The following ENTPD1 variants were observed in gnomAD, a reference collection of about 807,000 sequenced individuals.
The protein encoded by ENTPD1 is ATP diphosphohydrolase.
A neutral mutation model predicts 57.0 loss-of-function variants in ENTPD1; 33 were observed. That is an observed-to-expected ratio of 0.58 (90% CI 0.44 to 0.77). The LOEUF (loss-of-function observed/expected upper bound fraction) is 0.77, where lower values mean the gene tolerates loss of function less well. Ranked by LOEUF, ENTPD1 falls within the 30% of genes least tolerant of loss-of-function variation. The pLI, the probability that ENTPD1 is intolerant of heterozygous loss-of-function variation, is 0.00. For synonymous variants in ENTPD1, 202 were observed against 218.8 expected (o/e 0.92, Z 0.68); for missense variants, 501 against 603.4 (o/e 0.83, Z 1.78).
At chr10:95,863,264 G>A (rs1444997369) in intron 8 of ENTPD1, among the ~76,000 whole-genome samples, 2 of 152,216 alleles carry the variant, frequency 1.3e-5, no homozygotes, top group East Asian at 3.8e-4. Flanking sequence ...CCCCACAAGG[G>A]ATAGGCCAGC....
chr10:95,764,910 C>T (rs1306702836), intron 1 of ENTPD1, among the ~76,000 whole-genome samples: 7 of 151,802 alleles, frequency 4.6e-5, no homozygotes, highest in South Asian at 4.2e-4. Context: ...TTAGTAGAGA[C>T]GGGCTTTCAC....
chr10:95,843,636 G>C (rs2098426967), intron 4 of ENTPD1, among the ~76,000 whole-genome samples: 7 of 152,188 alleles, frequency 4.6e-5, no homozygotes, highest in Admixed American at 4.6e-4. Flanking sequence ...GGCCATGCTA[G>C]GAAGTTTGGA....
At chr10:95,793,462 G>C (rs1284883629) in intron 1 of ENTPD1, among the ~76,000 whole-genome samples, 1 of 152,158 alleles carries the variant, frequency 6.6e-6, no homozygotes. Flanking sequence ...CCTCACAATT[G>C]CTCTTCAGTC....
At chr10:95,819,377 C>T (rs907289712) in intron 1 of ENTPD1, among the ~76,000 whole-genome samples, 5 of 152,032 alleles carry the variant, frequency 3.3e-5, no homozygotes, top group African/African-American at 1.2e-4. Flanking sequence ...TGTTACCCCC[C>T]AGTCTCAAAC....
intron 1 of ENTPD1, among the ~76,000 whole-genome samples, chr10:95,765,166 C>T (rs192376139): frequency 2.6e-5 from 4 of 152,116 alleles, no homozygotes; most frequent in Non-Finnish European, 5.9e-5. Context: ...GTGTTGTTTG[C>T]AGCACAAAAT....
chr10:95,700,090 C>A, the ENTPD1 span, among the ~76,000 whole-genome samples: 1 of 152,098 alleles, frequency 6.6e-6, no homozygotes, highest in African/African-American at 2.4e-5. Context: ...AGAATTCTTT[C>A]TAGAAATTGA....
At chr10:95,843,723 G>A (rs1590118087) in intron 4 of ENTPD1, among the ~76,000 whole-genome samples, 1 of 152,320 alleles carries the variant, frequency 6.6e-6, no homozygotes, top group South Asian at 2.1e-4. Flanking sequence ...ATGGATTGGA[G>A]GGGAGAAAAG....
At chr10:95,861,979 G>C (rs553312922) in intron 8 of ENTPD1, among the ~76,000 whole-genome samples, 1 of 151,390 alleles carries the variant, frequency 6.6e-6, no homozygotes, top group East Asian at 1.9e-4. Context: ...CTGGGTGACA[G>C]AGCAGGACTC....
upstream of ENTPD1, among the ~76,000 whole-genome samples, chr10:95,751,493 C>T (rs985739232): frequency 6.6e-6 from 1 of 151,932 alleles, no homozygotes; most frequent in African/African-American, 2.4e-5. Context: ...GCCGAGGCAG[C>T]CTATCACCTG....
At position 95,869,247 on chromosome 10, in the gene ENTPD1, T is replaced by A; in HGVS notation, c.*2864T>A. ...AGATCAGCAGAAGTCATTACTTTTT[T>A]TTTTTTTTTTTTTTTTTTTTGAGAG... On this transcript the variant is annotated 3_prime_UTR_variant, in exon 10 of 10. Coordinates refer to ENST00000371205, the MANE Select transcript of ENTPD1 (RefSeq NM_001776.6). The A allele has an allele frequency of 6.6e-5, 29 of 440,998 alleles. No homozygotes were observed. Among genetic ancestry groups the A allele is most frequent in the South Asian group, 1.7e-4 (2 of 11,586 alleles). 27.3% of individuals were successfully genotyped at this position (440,998 alleles called of 1,614,324 possible).
At chr10:95,708,275 G>A (rs867649022), upstream of ENTPD1, among the ~76,000 whole-genome samples, 3 of 150,838 alleles carry the variant, frequency 2.0e-5, no homozygotes, top group Non-Finnish European at 2.9e-5. Flanking sequence ...GTGCAGTGCC[G>A]TGACCTCGGC....
intron 1 of ENTPD1, among the ~76,000 whole-genome samples, chr10:95,741,674 G>T (rs868162359): frequency 1.3e-5 from 2 of 152,154 alleles, no homozygotes; most frequent in African/African-American, 2.4e-5. Context: ...GCAGTGTGAG[G>T]CATTAAGCAG....
intron 1 of ENTPD1, among the ~76,000 whole-genome samples, chr10:95,722,268 TTTG>T (rs2097978370): frequency 6.6e-6 from 1 of 151,598 alleles, no homozygotes; most frequent in South Asian, 2.1e-4. Flanking sequence ...TCATTGTTTT[TTTG>T]TTTTTTTTTA....
At position 95,872,559 on chromosome 10, in the gene ENTPD1, C is replaced by T. The variant is rs941314396; in HGVS notation, c.*6176C>T. ...GTCTCTTCCTTGTGCTACCACAACC[C>T]TTTAACTGAGCCTCCATTAGTGCAC... On this transcript the variant is annotated 3_prime_UTR_variant, in exon 10 of 10. Transcript: ENST00000371205. 1.2e-5 allele frequency: 12 copies of T among 985,272 alleles called. No individual in the cohort carries two copies. In the African/African-American group the frequency reaches 2.1e-4, roughly 17 times the overall value. The allele number at this position is 985,272 out of a possible 1,614,324, so 61.0% of individuals were successfully genotyped here. A position where few individuals can be genotyped will look rare whatever the true frequency, so the allele number is the denominator to read the frequency against.
rs147869307 is a variant in ENTPD1 at position 95,718,453 on chromosome 10, G to A, written c.37+6460G>A. The stretch of plus-strand genomic sequence containing the variant: ...CTATTTCCCTTTCCTTTCCTTTCTG[G>A]TGACCCCAGCAGTGTAAGACTGCCA... On this transcript the variant is annotated intron_variant, in intron 1 of 9. Transcript: ENST00000453258. Among the ~76,000 whole-genome samples the A allele has an allele frequency of 2.9e-3, 435 of 151,856 alleles. 1 individual carries two copies. Among genetic ancestry groups the A allele is most frequent in the Non-Finnish European group, 4.3e-3 (292 of 67,944 alleles).
At chr10:95,822,422 G>A (rs571867714) in intron 1 of ENTPD1, among the ~76,000 whole-genome samples, 3 of 151,890 alleles carry the variant, frequency 2.0e-5, no homozygotes, top group South Asian at 4.2e-4. Context: ...TCAGCCTCCC[G>A]AGTAGCTGGG....
chr10:95,760,486 G>A (rs75458301), intron 1 of ENTPD1, among the ~76,000 whole-genome samples: 5,681 of 152,246 alleles, frequency 0.037, 131 homozygotes, highest in Non-Finnish European at 0.049. Context: ...CTTCACTATG[G>A]GTCGTGTAAT....
chr10:95,712,422 T>G lies in ENTPD1; in HGVS notation c.37+429T>G, dbSNP rs140961088. On this transcript the variant is annotated intron_variant, in intron 1 of 9. Coordinates refer to the ENTPD1 transcript ENST00000453258. Reference sequence around the variant, plus strand: ...TCTTATTTCATGTCCGTATAAGACCTTGACTTTTGAGAGCATTTTCTCTTG... The same window carrying G: ...TCTTATTTCATGTCCGTATAAGACCGTGACTTTTGAGAGCATTTTCTCTTG... Among the ~76,000 whole-genome samples, 602 of 152,308 alleles carry G rather than the reference T, an allele frequency of 4.0e-3. 1 individual carries two copies. Among genetic ancestry groups the G allele is most frequent in the African/African-American group, 0.013 (536 of 41,564 alleles).
At chr10:95,706,462 A>G in the ENTPD1 span, among the ~76,000 whole-genome samples, 3 of 152,150 alleles carry the variant, frequency 2.0e-5, no homozygotes, top group Non-Finnish European at 2.9e-5. Context: ...CTCTCAGCAT[A>G]GAGGAGGCCC....
Sources: allele counts gnomAD v4.1 joint callset (sites outside exome capture counted in the v4.1 genomes callset), GRCh38; gene constraint gnomAD v4.1.1; transcripts MANE v1.5; gene names NCBI Gene and HGNC (gene_info 2026-07-23, HGNC 2026-07-21).